NUDCD1: variants seen among roughly 807,000 people sequenced by gnomAD.
NUDCD1 encodes nudC domain-containing protein 1.
NUDCD1 carries 60 observed loss-of-function variants against 67.8 expected under a neutral mutation model. The observed-to-expected ratio is 0.88, with a 90% CI of 0.72 to 1.10. The LOEUF (loss-of-function observed/expected upper bound fraction) is 1.10, where lower values mean the gene tolerates loss of function less well. Ranked by LOEUF, NUDCD1 falls within the 50% of genes least tolerant of loss-of-function variation. The pLI is 0.00. For synonymous variants in NUDCD1, 244 were observed against 230.8 expected (o/e 1.06, Z -0.52); for missense variants, 643 against 695.0 (o/e 0.93, Z 0.84).
chr8:109,307,179 C>T (rs1815127297), intron 2 of NUDCD1, among the ~76,000 whole-genome samples: 1 of 152,196 alleles, frequency 6.6e-6, no homozygotes, highest in Admixed American at 6.5e-5. Flanking sequence ...TTTGTTCCTG[C>T]CCTACCCTAA....
chr8:109,242,361 T>G lies in NUDCD1; in HGVS notation c.*648A>C. ...GAATCGTGAAAAATAATAAAAGTCC[T>G]TGTTTTAAACCACTGAGTTTTGGTG... On this transcript the variant is annotated 3_prime_UTR_variant, in exon 10 of 10. Coordinates refer to ENST00000239690, the MANE Select transcript of NUDCD1 (RefSeq NM_032869.4). 2.6e-6 allele frequency: 1 copy of G among 381,138 alleles called. No homozygotes were observed. Among genetic ancestry groups the G allele is most frequent in the Non-Finnish European group, 4.6e-6 (1 of 215,418 alleles). The allele number at this position is 381,138 out of a possible 1,614,324, so 23.6% of individuals were successfully genotyped here.
intron 3 of NUDCD1, 67 bp downstream of exon 3, chr8:109,296,317 T>A (rs1814840396): frequency 5.5e-6 from 7 of 1,266,650 alleles, no homozygotes; most frequent in Non-Finnish European, 8.0e-6. Flanking sequence ...AGTGTCATTT[T>A]AAAATAAGTA....
chr8:109,331,515 CAAAAAA>C (rs59203626), intron 1 of NUDCD1, among the ~76,000 whole-genome samples: 1 of 65,888 alleles, frequency 1.5e-5, no homozygotes, highest in African/African-American at 5.2e-5. Flanking sequence ...GACTCAGACT[CAAAAAA>C]AAAAAAAAAA....
chr8:109,278,605 C>T (rs1385458457), intron 6 of NUDCD1, among the ~76,000 whole-genome samples: 3 of 152,148 alleles, frequency 2.0e-5, no homozygotes, highest in African/African-American at 7.2e-5. Context: ...ATTTGTATCA[C>T]CATAGATTAG....
chr8:109,317,731 C>T (rs1184164831), intron 2 of NUDCD1, among the ~76,000 whole-genome samples: 2 of 152,128 alleles, frequency 1.3e-5, no homozygotes, highest in African/African-American at 4.8e-5. Context: ...TGTTTGTCTC[C>T]CATAAAGTGA....
At chr8:109,288,297 G>C (rs1814621865) in intron 5 of NUDCD1, among the ~76,000 whole-genome samples, 1 of 152,158 alleles carries the variant, frequency 6.6e-6, no homozygotes, top group Non-Finnish European at 1.5e-5. Context: ...ATGGTTCCAA[G>C]TTATCTGGGC....
intron 8 of NUDCD1, among the ~76,000 whole-genome samples, chr8:109,269,671 G>A (rs1056026534): frequency 6.6e-6 from 1 of 151,972 alleles, no homozygotes; most frequent in African/African-American, 2.4e-5. Context: ...CAGAACCTTT[G>A]AAACCTGTAT....
chr8:109,301,749 T>C (rs1814996204), intron 2 of NUDCD1, among the ~76,000 whole-genome samples: 1 of 152,202 alleles, frequency 6.6e-6, no homozygotes, highest in South Asian at 2.1e-4. Flanking sequence ...CTTTGTCCTC[T>C]CTAATAGAGA....
chr8:109,243,119 C>T lies in NUDCD1; in HGVS notation c.1642G>A (p.Ala548Thr), dbSNP rs750874739. ...QVGQVAKQQVASLETNDPILG... is the reference protein window; with the variant it reads ...QVGQVAKQQVTSLETNDPILG... ...ATAGGATCATTGGTTTCTAGGCTTG[C>T]TACTTGCTGCTTAGCAACCTGTCCT... is the stretch of plus-strand genomic sequence containing the variant. The change falls in exon 10 of 10, where the codon GCA becomes ACA. Residue 548 changes from alanine (A) to threonine (T), a missense_variant. By Grantham distance (58) the Ala-to-Thr change is moderately conservative. Transcript: ENST00000239690. 1 of 1,613,836 alleles carries T rather than the reference C, an allele frequency of 6.2e-7. No individual in the cohort carries two copies. The highest frequency in any genetic ancestry group is 1.7e-5 in the Admixed American group (1 of 60,010).
Position 109,333,884 on chromosome 8 carries a change from G to A in NUDCD1, c.118+9C>T. The A allele has an allele frequency of 3.1e-6, 5 of 1,613,752 alleles. No individual in the cohort carries two copies. In the African/African-American group the frequency reaches 6.7e-5, roughly 22 times the overall value. The stretch of plus-strand genomic sequence containing the variant: ...GGAACGGAGTACGAAGGGCGCCGCC[G>A]CTTCCCACCTGCGTCAAGCTCCAGC... On this transcript the variant is annotated intron_variant, in intron 1 of 9. Transcript: ENST00000239690.
intron 2 of NUDCD1, chr8:109,313,823 G>A: frequency 9.2e-7 from 1 of 1,083,670 alleles, no homozygotes; most frequent in South Asian, 1.3e-5. Context: ...GAGGTTGCTA[G>A]AAGTCTAATT....
intron 8 of NUDCD1, among the ~76,000 whole-genome samples, chr8:109,254,734 GAAGATTA>G (rs1563660072): frequency 6.6e-6 from 1 of 151,910 alleles, no homozygotes; most frequent in Non-Finnish European, 1.5e-5. Context: ...AAAGACTACT[GAAGATTA>G]AATGTCAAAG....
intron 2 of NUDCD1, among the ~76,000 whole-genome samples, chr8:109,297,267 C>T (rs1012281310): frequency 1.3e-5 from 2 of 152,126 alleles, no homozygotes; most frequent in Non-Finnish European, 2.9e-5. Context: ...CACCAGTCTG[C>T]GGTATGAAAA....
chr8:109,313,718 G>A (rs1815316439), intron 2 of NUDCD1: 6 of 459,410 alleles, frequency 1.3e-5, no homozygotes, highest in South Asian at 3.2e-5. Flanking sequence ...TGGGAAGAAC[G>A]TAGAGATAAA....
chr8:109,251,083 C>T lies in NUDCD1; in HGVS notation c.1300-5602G>A, dbSNP rs75553309. On this transcript the variant is annotated intron_variant, in intron 8 of 9. Transcript: ENST00000239690. Reference sequence around the variant, plus strand: ...TAAAATAAACCAGTGAAGCCATCTGCGGCTGGAGATTTCTTTGTTGGAAAG... The same window carrying T: ...TAAAATAAACCAGTGAAGCCATCTGTGGCTGGAGATTTCTTTGTTGGAAAG... 2.0e-4 allele frequency among the ~76,000 whole-genome samples: 30 copies of T among 151,944 alleles called. No individual in the cohort carries two copies. The Middle Eastern group carries it at 0.01, about 52-fold the overall frequency.
At chr8:109,263,750 G>T (rs1053366928) in intron 8 of NUDCD1, among the ~76,000 whole-genome samples, 1 of 152,046 alleles carries the variant, frequency 6.6e-6, no homozygotes, top group Non-Finnish European at 1.5e-5. Context: ...CATCTTCAGG[G>T]GGTCCATAGG....
chr8:109,268,114 T>A (rs1291714792), intron 8 of NUDCD1, among the ~76,000 whole-genome samples: 1 of 152,220 alleles, frequency 6.6e-6, no homozygotes, highest in African/African-American at 2.4e-5. Flanking sequence ...TGTCCCTTTT[T>A]ATTATATATT....
intron 8 of NUDCD1, among the ~76,000 whole-genome samples, chr8:109,252,628 C>A (rs568344159): frequency 6.6e-6 from 1 of 152,168 alleles, no homozygotes; most frequent in Non-Finnish European, 1.5e-5. Flanking sequence ...GTGACAGTTA[C>A]GGGTCACACC....
chr8:109,296,452 C>T lies in NUDCD1; in HGVS notation c.391G>A (p.Asp131Asn), dbSNP rs997534100. The change falls in exon 3 of 10, where the codon GAT becomes AAT. Residue 131 changes from aspartate to asparagine, a missense_variant. Physicochemically the swap from Asp to Asn is conservative, Grantham distance 23. Transcript: ENST00000239690. ...FSSSTWVTLS[D>N]GTGRLYVIGT... ...ATGACATACAATCTTCCAGTTCCAT[C>T]TGACAAGGTAACCCAGGTAGAAGAT... 2 of 1,613,586 alleles carry T rather than the reference C, an allele frequency of 1.2e-6. No individual in the cohort carries two copies. Among genetic ancestry groups the T allele is most frequent in the African/African-American group, 2.7e-5 (2 of 74,916 alleles).
Sources: gnomAD v4.1 joint callset for allele counts (sites outside exome capture counted in the v4.1 genomes callset) on GRCh38, gnomAD v4.1.1 for gene constraint, MANE v1.5 for transcripts, NCBI Gene and HGNC (gene_info 2026-07-23, HGNC 2026-07-21) for gene names.